The following ITGB3 variants were observed in gnomAD, a reference collection of about 807,000 sequenced individuals.
The protein encoded by ITGB3 is integrin subunit beta 3.
A neutral mutation model predicts 85.8 loss-of-function variants in ITGB3; 48 were observed. The ratio of observed to expected loss-of-function variants is 0.56; its 90% confidence interval spans 0.44 to 0.71. The LOEUF (loss-of-function observed/expected upper bound fraction) is 0.71. ITGB3 is among the 30% of genes least tolerant of loss of function. The pLI is 0.00. For synonymous variants in ITGB3, 363 were observed against 395.6 expected (o/e 0.92, Z 0.98); for missense variants, 861 against 1,019.1 (o/e 0.84, Z 2.11).
rs370984714 is a variant in ITGB3, at chr17:47,299,270, C to T, written c.1691-38C>T. 2.4e-5 allele frequency: 39 copies of T among 1,592,058 alleles called. No homozygotes were observed. Among genetic ancestry groups the T allele is most frequent in the Middle Eastern group, 3.4e-4 (2 of 5,916 alleles). On this transcript the variant is annotated intron_variant, in intron 10 of 14. Coordinates refer to ENST00000559488, the MANE Select transcript of ITGB3 (RefSeq NM_000212.3). The surrounding 1 kb of genome is among the most constrained non-coding windows in gnomAD (Gnocchi z 5.1). ...CCTGCTGCCATGGGAGTGGAGCTCT[C>T]GCCAGCGGGTCCACCTTCCTGGGCT...
chr17:47,254,762 C>T (rs983212684), intron 1 of ITGB3, among the ~76,000 whole-genome samples: 2 of 152,192 alleles, frequency 1.3e-5, no homozygotes, highest in Non-Finnish European at 2.9e-5. Context: ...AGGGATGGAG[C>T]GGGCACAGCC....
chr17:47,263,179 GT>G (rs762634951), intron 1 of ITGB3, among the ~76,000 whole-genome samples: 33 of 152,154 alleles, frequency 2.2e-4, no homozygotes, highest in Non-Finnish European at 5.9e-5. Context: ...TCCATCTGTT[GT>G]TTTACTGCTC....
chr17:47,289,237 G>A (rs1313159179), intron 6 of ITGB3, among the ~76,000 whole-genome samples: 1 of 152,166 alleles, frequency 6.6e-6, no homozygotes, highest in African/African-American at 2.4e-5. Context: ...GAGGTGCTTA[G>A]TTTTGACACC....
At chr17:47,296,443 AG>A (rs1314068847) in intron 10 of ITGB3, among the ~76,000 whole-genome samples, 4 of 152,148 alleles carry the variant, frequency 2.6e-5, no homozygotes, top group Non-Finnish European at 5.9e-5. Flanking sequence ...TATGTTGCCC[AG>A]GCTAGTCTTG....
At chr17:47,292,099 G>T in intron 9 of ITGB3, 40 bp from the exon 10 acceptor site, 1 of 1,607,174 alleles carries the variant, frequency 6.2e-7, no homozygotes, top group East Asian at 2.2e-5. Flanking sequence ...GTGTTAACTG[G>T]GCCCAACTGT....
chr17:47,295,422 T>C (rs904972069), intron 10 of ITGB3, among the ~76,000 whole-genome samples: 6 of 152,128 alleles, frequency 3.9e-5, no homozygotes, highest in Non-Finnish European at 5.9e-5. Context: ...CTTCCACTCT[T>C]CATTTCTTAC....
rs573635679 is a variant in ITGB3, at chr17:47,299,993, G to T, written c.1913+463G>T. 1.3e-5 allele frequency among the ~76,000 whole-genome samples: 2 copies of T among 152,212 alleles called. No homozygotes were observed. Among genetic ancestry groups the T allele is most frequent in the African/African-American group, 4.8e-5 (2 of 41,442 alleles). On this transcript the variant is annotated intron_variant, in intron 11 of 14. Transcript: ENST00000559488. The surrounding 1 kb of genome is among the most constrained non-coding windows in gnomAD (Gnocchi z 5.1). ...CCACTTTAAGCAGGGCCAGATTTAC[G>T]AGTGTGCAACCTATGCAGCTGTATA...
At chr17:47,288,315 C>T (rs1049079338) in intron 6 of ITGB3, among the ~76,000 whole-genome samples, 2 of 151,744 alleles carry the variant, frequency 1.3e-5, no homozygotes, top group South Asian at 4.2e-4. Flanking sequence ...AGTCATTTAG[C>T]TTGAAAGAAA....
intron 2 of ITGB3, among the ~76,000 whole-genome samples, chr17:47,282,949 A>G (rs2065088959): frequency 6.6e-6 from 1 of 152,356 alleles, no homozygotes; most frequent in Admixed American, 6.5e-5. Context: ...TGGGACCCAC[A>G]AATGTGTGGT....
intron 3 of ITGB3, 45 bp downstream of exon 3, chr17:47,283,594 C>A: frequency 6.3e-7 from 1 of 1,579,728 alleles, no homozygotes; most frequent in Non-Finnish European, 8.7e-7. Flanking sequence ...AGCAGGTGGG[C>A]ATAGAGCACA....
Position 47,299,735 on chromosome 17 carries a change from G to T in ITGB3, c.1913+205G>T, listed in dbSNP as rs531496778. ...AACTGTGAAGGAGCCAAAGTTGAACGAGCTGGACTTCGATTGAGAATGTCC... is the reference window on the plus strand; with the variant it reads ...AACTGTGAAGGAGCCAAAGTTGAACTAGCTGGACTTCGATTGAGAATGTCC... On this transcript the variant is annotated intron_variant, in intron 11 of 14. Transcript: ENST00000559488. The surrounding 1 kb of genome is among the most constrained non-coding windows in gnomAD (Gnocchi z 5.1). 6.6e-6 allele frequency among the ~76,000 whole-genome samples: 1 copy of T among 152,232 alleles called. No homozygotes were observed. Among genetic ancestry groups the T allele is most frequent in the Non-Finnish European group, 1.5e-5 (1 of 68,040 alleles).
Position 47,289,757 on chromosome 17 carries a change from A to G in ITGB3, c.1016A>G (p.Asn339Ser), listed in dbSNP as rs766683852. The G allele has an allele frequency of 5.0e-6, 8 of 1,613,666 alleles. No homozygotes were observed. Among genetic ancestry groups the G allele is most frequent in the Non-Finnish European group, 6.8e-6 (8 of 1,179,570 alleles). ...NINLIFAVTE[N>S]VVNLYQNYSE... ...AATTTGATCTTTGCAGTGACTGAAAATGTAGTCAATCTCTATCAGGTGACT... is the reference window on the plus strand; with the variant it reads ...AATTTGATCTTTGCAGTGACTGAAAGTGTAGTCAATCTCTATCAGGTGACT... The change falls in exon 7 of 15, where the codon AAT becomes AGT. Residue 339 changes from asparagine (N) to serine (S), a missense_variant. By Grantham distance (46) the Asn-to-Ser change is conservative. Coordinates refer to ENST00000559488, the MANE Select transcript of ITGB3 (RefSeq NM_000212.3).
intron 1 of ITGB3, among the ~76,000 whole-genome samples, chr17:47,267,414 C>T (rs577091165): frequency 2.2e-4 from 33 of 152,292 alleles, no homozygotes; most frequent in African/African-American, 7.0e-4. Flanking sequence ...TCCTTCCACA[C>T]GTTCAGGAGG....
intron 2 of ITGB3, among the ~76,000 whole-genome samples, chr17:47,276,129 C>T (rs1240097279): frequency 2.0e-5 from 3 of 152,164 alleles, no homozygotes; most frequent in Non-Finnish European, 4.4e-5. Context: ...TAGTGTCACT[C>T]AAAGGGTGCT....
intron 2 of ITGB3, among the ~76,000 whole-genome samples, chr17:47,279,097 C>T (rs2065074230): frequency 6.6e-6 from 1 of 152,214 alleles, no homozygotes; most frequent in African/African-American, 2.4e-5. Context: ...TCATGTTGTA[C>T]TTTCCCAATT....
intron 10 of ITGB3, among the ~76,000 whole-genome samples, chr17:47,297,575 G>A (rs1015080523): frequency 6.6e-6 from 1 of 152,036 alleles, no homozygotes; most frequent in South Asian, 2.1e-4. Context: ...AGAATCGCTT[G>A]AACACGGGAG....
At chr17:47,275,573 C>T (rs1377086883) in intron 2 of ITGB3, among the ~76,000 whole-genome samples, 2 of 152,214 alleles carry the variant, frequency 1.3e-5, no homozygotes, top group African/African-American at 2.4e-5. Flanking sequence ...TATGACCGCT[C>T]CAATCCAGCC....
chr17:47,262,874 G>A (rs1418017399), intron 1 of ITGB3, among the ~76,000 whole-genome samples: 1 of 152,178 alleles, frequency 6.6e-6, no homozygotes, highest in East Asian at 1.9e-4. Flanking sequence ...ACTATAGAGG[G>A]TTCTTTCATA....
intron 1 of ITGB3, among the ~76,000 whole-genome samples, chr17:47,256,599 G>T (rs763699452): frequency 6.6e-5 from 10 of 152,154 alleles, no homozygotes; most frequent in African/African-American, 1.9e-4. Context: ...GTTGTGTTGG[G>T]ACTCCAAGTG....
Sources: gnomAD v4.1 joint callset for allele counts (sites outside exome capture counted in the v4.1 genomes callset) on GRCh38, gnomAD v4.1.1 for gene constraint, Gnocchi (gnomAD v3.1) non-coding constraint, MANE v1.5 for transcripts, NCBI Gene and HGNC (gene_info 2026-07-23, HGNC 2026-07-21) for gene names.